Variants in NCALD observed in about 807,000 individuals in gnomAD.
NCALD encodes neurocalcin delta.
A neutral mutation model predicts 18.6 loss-of-function variants in NCALD; 10 were observed. The observed-to-expected ratio is 0.54, with a 90% CI of 0.33 to 0.91. The LOEUF is 0.91. Among genes scored for constraint, NCALD ranks in the 40% least tolerant of loss-of-function variants. The probability of loss-of-function intolerance (pLI) is 0.03; values close to 1 mark genes in which losing one functional copy is unlikely to be tolerated. For synonymous variants in NCALD, 88 were observed against 87.4 expected (o/e 1.01, Z -0.04); for missense variants, 184 against 247.6 (o/e 0.74, Z 1.72).
intron 1 of NCALD, among the ~76,000 whole-genome samples, chr8:101,751,231 G>A (rs887733362): frequency 1.3e-5 from 2 of 152,138 alleles, no homozygotes; most frequent in African/African-American, 2.4e-5. Flanking sequence ...TGAAAGAAGC[G>A]AGACATAGGA....
intron 1 of NCALD, among the ~76,000 whole-genome samples, chr8:102,099,070 A>G (rs539952037): frequency 1.3e-5 from 2 of 152,290 alleles, no homozygotes; most frequent in African/African-American, 4.8e-5. Flanking sequence ...CAGAGATGGG[A>G]GGTAGAAAGT....
At chr8:101,698,701 A>G (rs1308718815) in intron 2 of NCALD, among the ~76,000 whole-genome samples, 2 of 152,204 alleles carry the variant, frequency 1.3e-5, no homozygotes, top group Non-Finnish European at 2.9e-5. Flanking sequence ...TATTTAATAA[A>G]TGGTGCTGGA....
At position 101,692,881 on chromosome 8, in the gene NCALD, C is replaced by A; in HGVS notation, c.394G>T (p.Val132Phe). Residue 132 changes from valine to phenylalanine, a missense_variant, in exon 3 of 4, where the codon GTT (valine) becomes TTT (phenylalanine). Val to Phe is a conservative substitution (Grantham distance 50, BLOSUM62 -1). Transcript: ENST00000220931. ...TCAGGCATTTTCATTACAGAGGAAA[C>A]CATCTTATAGATTGCCTGGGGACAG... ...LEIVQAIYKM[V>F]SSVMKMPEDE... is the part of the protein sequence containing the mutation. 6.2e-7 allele frequency: 1 copy of A among 1,613,634 alleles called. No homozygotes were observed. The highest frequency in any genetic ancestry group is 1.1e-5 in the South Asian group (1 of 91,070).
chr8:101,698,800 A>C (rs1256788032), intron 2 of NCALD, among the ~76,000 whole-genome samples: 1 of 152,196 alleles, frequency 6.6e-6, no homozygotes, highest in Non-Finnish European at 1.5e-5. Context: ...TAAAGACTTA[A>C]CTGTAAAACC....
intron 1 of NCALD, among the ~76,000 whole-genome samples, chr8:102,023,532 T>G (rs1586939051): frequency 6.6e-6 from 1 of 152,332 alleles, no homozygotes; most frequent in East Asian, 1.9e-4. Flanking sequence ...CAAGGGGGAA[T>G]CTAGCAGGGG....
At chr8:101,977,258 T>C (rs1178313549) in intron 2 of NCALD, among the ~76,000 whole-genome samples, 2 of 151,842 alleles carry the variant, frequency 1.3e-5, no homozygotes, top group East Asian at 3.9e-4. Flanking sequence ...AAAAATATTG[T>C]GGTTATTACA....
intron 4 of NCALD, among the ~76,000 whole-genome samples, chr8:101,865,594 C>G (rs764875468): frequency 6.6e-6 from 1 of 151,008 alleles, no homozygotes; most frequent in South Asian, 2.1e-4. Flanking sequence ...TTCCCTTTCT[C>G]CTCTCTCTCT....
At chr8:102,006,942 C>T (rs1400439141) in intron 2 of NCALD, among the ~76,000 whole-genome samples, 1 of 152,192 alleles carries the variant, frequency 6.6e-6, no homozygotes, top group Non-Finnish European at 1.5e-5. Context: ...CAAGGCACCG[C>T]TCAGGCCAGG....
chr8:101,885,387 G>A (rs1816639258), intron 4 of NCALD, among the ~76,000 whole-genome samples: 1 of 152,120 alleles, frequency 6.6e-6, no homozygotes. Flanking sequence ...AGGAAATTTG[G>A]GCAGTATTTG....
chr8:101,786,628 G>T (rs1206239983), intron 1 of NCALD, among the ~76,000 whole-genome samples: 1 of 152,056 alleles, frequency 6.6e-6, no homozygotes, highest in Non-Finnish European at 1.5e-5. Context: ...AATAGATAGG[G>T]CTTAAATTCA....
chr8:102,060,148 T>C (rs986588890), intron 1 of NCALD, among the ~76,000 whole-genome samples: 1 of 151,980 alleles, frequency 6.6e-6, no homozygotes. Context: ...GCCTGGCTAA[T>C]TTTTTTGTAT....
chr8:101,787,809 G>A lies in NCALD; in HGVS notation c.-20+3053C>T, dbSNP rs143135499. On this transcript the variant is annotated intron_variant, in intron 1 of 3. Transcript: ENST00000220931. ...CTTTAGGGCTCTCTCTTGAGTATCTGGAATTAACATGACAATTGATCAATT... is the reference window on the plus strand; with the variant it reads ...CTTTAGGGCTCTCTCTTGAGTATCTAGAATTAACATGACAATTGATCAATT... Among the ~76,000 whole-genome samples, 466 of 152,220 alleles carry A rather than the reference G, an allele frequency of 3.1e-3. 3 individuals are homozygous for A. Among genetic ancestry groups the A allele is most frequent in the Middle Eastern group, 0.014 (4 of 294 alleles).
At chr8:101,974,950 G>A (rs1353529235) in intron 2 of NCALD, among the ~76,000 whole-genome samples, 2 of 152,118 alleles carry the variant, frequency 1.3e-5, no homozygotes, top group South Asian at 2.1e-4. Flanking sequence ...CTGAATCAAC[G>A]CAATTGACAC....
At chr8:102,066,842 A>G (rs1402098194) in intron 1 of NCALD, among the ~76,000 whole-genome samples, 6 of 152,184 alleles carry the variant, frequency 3.9e-5, no homozygotes, top group Non-Finnish European at 8.8e-5. Context: ...GCACAGCCCC[A>G]CTCATGAAGG....
At chr8:101,842,344 GAA>G (rs34318119) in intron 4 of NCALD, among the ~76,000 whole-genome samples, 1 of 150,764 alleles carries the variant, frequency 6.6e-6, no homozygotes, top group African/African-American at 2.4e-5. Context: ...AATAAAAAAG[GAA>G]AAAAAAACAA....
chr8:101,751,773 C>T (rs12550570), intron 1 of NCALD, among the ~76,000 whole-genome samples: 92,862 of 151,930 alleles, frequency 0.61, 31,286 homozygotes, highest in Non-Finnish European at 0.75. Flanking sequence ...ACAGTGATTT[C>T]TGCTTATTCG....
chr8:101,909,778 CT>C (rs1817727379), intron 3 of NCALD, among the ~76,000 whole-genome samples: 1 of 152,076 alleles, frequency 6.6e-6, no homozygotes, highest in African/African-American at 2.4e-5. Context: ...GTACATTCAT[CT>C]TTCTCCATGG....
At chr8:101,813,011 TC>T (rs1283238041) in intron 4 of NCALD, among the ~76,000 whole-genome samples, 1 of 152,162 alleles carries the variant, frequency 6.6e-6, no homozygotes, top group Middle Eastern at 3.2e-3. Context: ...GTTCATTTTT[TC>T]CTTTGAAAAT....
chr8:101,715,589 C>T (rs1007497318), intron 2 of NCALD, among the ~76,000 whole-genome samples: 1 of 152,114 alleles, frequency 6.6e-6, no homozygotes, highest in Non-Finnish European at 1.5e-5. Flanking sequence ...GGGCTAATAT[C>T]CAGAATCTAC....
Sources: allele counts gnomAD v4.1 joint callset (sites outside exome capture counted in the v4.1 genomes callset), GRCh38; gene constraint gnomAD v4.1.1; transcripts MANE v1.5; gene names NCBI Gene and HGNC (gene_info 2026-07-23, HGNC 2026-07-21).